EPS15L1: variants seen among roughly 807,000 people sequenced by gnomAD.
The protein encoded by EPS15L1 is epidermal growth factor receptor substrate 15-like 1.
Under a neutral mutation model 117.1 loss-of-function variants are expected in EPS15L1, and 43 were observed. The observed-to-expected ratio is 0.37, with a 90% confidence interval of 0.29 to 0.47. The LOEUF is 0.47. Ranked by LOEUF, EPS15L1 falls within the 20% of genes least tolerant of loss-of-function variation. The pLI, the probability that EPS15L1 is intolerant of heterozygous loss-of-function variation, is 0.99. For synonymous variants in EPS15L1, 459 were observed against 470.5 expected, an observed-to-expected ratio of 0.98 and a Z score of 0.32; for missense variants, 981 against 1,164.0, an observed-to-expected ratio of 0.84 and a Z score of 2.29.
intron 8 of EPS15L1, among the ~76,000 whole-genome samples, chr19:16,428,467 A>AGGAGAGAG (rs747748033): frequency 8.1e-4 from 90 of 110,726 alleles, no homozygotes; most frequent in Non-Finnish European, 1.4e-3. Flanking sequence ...AGACAGAGAG[A>AGGAGAGAG]GGAGAGAGGG....
At position 16,361,931 on chromosome 19, in the gene EPS15L1, C is replaced by T; in HGVS notation, c.2434G>A (p.Asp812Asn). 2 of 1,613,682 alleles carry T rather than the reference C, an allele frequency of 1.2e-6. No individual in the cohort carries two copies. The highest frequency in any genetic ancestry group is 1.1e-5 in the South Asian group (1 of 91,066). Reference protein sequence around the residue: ...LGSADFPEAPDPFQPLGADSG... With the variant: ...LGSADFPEAPNPFQPLGADSG... ...TCAGCCCCGAGTGGCTGGAATGGAT[C>T]GGGGGCCTCGGGAAAGTCTGCGGAA... The change falls in exon 23 of 24, where the codon GAT (aspartate) becomes AAT (asparagine). Residue 812 changes from aspartate (D) to asparagine (N), a missense_variant. Physicochemically the swap from Asp to Asn is conservative, Grantham distance 23. This residue lies in a region of EPS15L1 where 819 missense variants were observed against 949.0 expected (regional missense o/e 0.86). Coordinates refer to ENST00000455140, the MANE Select transcript of EPS15L1 (RefSeq NM_001258374.3).
intron 10 of EPS15L1, among the ~76,000 whole-genome samples, 183 bp from the exon 11 acceptor site, chr19:16,418,287 C>G (rs2092780202): frequency 6.6e-6 from 1 of 152,158 alleles, no homozygotes; most frequent in Non-Finnish European, 1.5e-5. Context: ...GGGTTCCCCG[C>G]TCCCAGTGTC....
At chr19:16,363,305 A>G (rs1247676913) in intron 22 of EPS15L1, among the ~76,000 whole-genome samples, 1 of 152,008 alleles carries the variant, frequency 6.6e-6, no homozygotes, top group African/African-American at 2.4e-5. Flanking sequence ...TTTAGAAAAA[A>G]CCAGGAACTG....
rs545297182 is a variant in EPS15L1, at chr19:16,376,114, G to A, written c.2380+1008C>T. 3.6e-4 allele frequency among the ~76,000 whole-genome samples: 55 copies of A among 152,312 alleles called. No individual in the cohort carries two copies. In the South Asian group the frequency reaches 3.9e-3, roughly 11 times the overall value. ...TGGAGCTGATGGAAAGGGCTCGGGGGCATGCCCTATCTAGGGAAGACAGGT... is the reference window on the plus strand; with the variant it reads ...TGGAGCTGATGGAAAGGGCTCGGGGACATGCCCTATCTAGGGAAGACAGGT... On this transcript the variant is annotated intron_variant, in intron 22 of 23. Transcript: ENST00000455140.
At chr19:16,442,034 G>A (rs2093037260) in intron 2 of EPS15L1, 53 bp from the exon 3 acceptor site, 3 of 1,531,800 alleles carry the variant, frequency 2.0e-6, no homozygotes, top group South Asian at 1.1e-5. Flanking sequence ...GCAGCAGCAG[G>A]TGAAGTGGCA....
chr19:16,386,144 G>T, intron 20 of EPS15L1, 27 bp downstream of exon 20: 1 of 1,574,590 alleles, frequency 6.4e-7, no homozygotes, highest in Non-Finnish European at 8.7e-7. Flanking sequence ...GGAATAGTCA[G>T]GAAGAAAAAT....
chr19:16,381,819 C>G lies in EPS15L1; in HGVS notation c.2247+3310G>C, dbSNP rs541223184. On this transcript the variant is annotated intron_variant, in intron 21 of 23. Coordinates refer to ENST00000455140, the MANE Select transcript of EPS15L1 (RefSeq NM_001258374.3). This position sits in a 1 kb window ranked among gnomAD's most constrained non-coding sequence, Gnocchi z 4.2. ...CGATTCATGGAACATGTCCCTGGGC[C>G]TAGGGCCCGTGCGAGTCCCCCGCGG... 2.6e-5 allele frequency among the ~76,000 whole-genome samples: 4 copies of G among 152,334 alleles called. No homozygotes were observed. Among genetic ancestry groups the G allele is most frequent in the Admixed American group, 6.5e-5 (1 of 15,306 alleles).
At chr19:16,396,620 A>G (rs1280090977) in intron 16 of EPS15L1, among the ~76,000 whole-genome samples, 4 of 152,236 alleles carry the variant, frequency 2.6e-5, no homozygotes, top group African/African-American at 9.6e-5. Flanking sequence ...AGTTCATTAA[A>G]AAATCATTGA....
At chr19:16,451,809 G>A (rs1324455864) in intron 1 of EPS15L1, among the ~76,000 whole-genome samples, 5 of 150,100 alleles carry the variant, frequency 3.3e-5, no homozygotes, top group Admixed American at 6.6e-5. Context: ...GATTACAGGC[G>A]TGAGCCACCG....
Position 16,381,018 on chromosome 19 carries a change from A to G in EPS15L1, c.2248-3764T>C, listed in dbSNP as rs2092356341. On this transcript the variant is annotated intron_variant, in intron 21 of 23. Coordinates refer to ENST00000455140, the MANE Select transcript of EPS15L1 (RefSeq NM_001258374.3). The surrounding 1 kb of genome is among the most constrained non-coding windows in gnomAD (Gnocchi z 4.2). ...GGCCCCTCTAAGAGGCAGCCTACCC[A>G]TTCCAGGTCCCCCCGATAAGGGCAG... 6.6e-6 allele frequency among the ~76,000 whole-genome samples: 1 copy of G among 152,180 alleles called. No homozygotes were observed. Among genetic ancestry groups the G allele is most frequent in the Admixed American group, 6.5e-5 (1 of 15,288 alleles).
intron 7 of EPS15L1, among the ~76,000 whole-genome samples, 197 bp from the exon 8 acceptor site, chr19:16,428,958 G>A (rs1241479232): frequency 6.6e-6 from 1 of 152,086 alleles, no homozygotes; most frequent in African/African-American, 2.4e-5. Flanking sequence ...CAGATCTGTG[G>A]TCTGACAATC....
At chr19:16,361,593 T>A in intron 23 of EPS15L1, 186 bp downstream of exon 23, 1 of 1,331,994 alleles carries the variant, frequency 7.5e-7, no homozygotes, top group Non-Finnish European at 9.6e-7. Flanking sequence ...CTCTTTTTTT[T>A]TTTATTGAGA....
At position 16,371,526 on chromosome 19, in the gene EPS15L1, A is replaced by G. The variant is rs140261711; in HGVS notation, c.2380+5596T>C. Reference sequence around the variant, plus strand: ...CATCACCTATGCGGCTTTGTTTAGGAGGTGAAAAGGTCATTAGCAGTAATA... The same window carrying G: ...CATCACCTATGCGGCTTTGTTTAGGGGGTGAAAAGGTCATTAGCAGTAATA... On this transcript the variant is annotated intron_variant, in intron 22 of 23. Transcript: ENST00000455140. This position sits in a 1 kb window ranked among gnomAD's most constrained non-coding sequence, Gnocchi z 4.7. Among the ~76,000 whole-genome samples the G allele has an allele frequency of 6.9e-4, 105 of 152,240 alleles. No homozygotes were observed. The highest frequency in any genetic ancestry group is 2.4e-3 in the African/African-American group (101 of 41,548).
chr19:16,377,325 G>A (rs998873649), intron 21 of EPS15L1, 71 bp from the exon 22 acceptor site: 2 of 1,572,228 alleles, frequency 1.3e-6, no homozygotes, highest in African/African-American at 2.7e-5. Flanking sequence ...CCACTGAACA[G>A]ACGCTCATGC....
At chr19:16,396,891 C>A (rs1036831116) in intron 16 of EPS15L1, among the ~76,000 whole-genome samples, 1 of 151,986 alleles carries the variant, frequency 6.6e-6, no homozygotes, top group Non-Finnish European at 1.5e-5. Flanking sequence ...CTATGAGAAC[C>A]CTAGAGTCAT....
At chr19:16,401,328 C>T in intron 16 of EPS15L1, 1 of 984,880 alleles carries the variant, frequency 1.0e-6, no homozygotes, top group African/African-American at 1.8e-5. Context: ...AAAAGAAACA[C>T]ATCAAGCATT....
intron 9 of EPS15L1, among the ~76,000 whole-genome samples, chr19:16,422,313 G>A (rs73511130): frequency 1.2e-3 from 183 of 152,268 alleles, no homozygotes; most frequent in African/African-American, 4.1e-3. Context: ...GGCCCCTTCC[G>A]TGGCCTACTC....
At chr19:16,360,627 G>A (rs1599516563) in intron 23 of EPS15L1, among the ~76,000 whole-genome samples, 1 of 151,774 alleles carries the variant, frequency 6.6e-6, no homozygotes, top group African/African-American at 2.4e-5. Context: ...CACGCCTGTC[G>A]TCCCAGCTAC....
intron 1 of EPS15L1, among the ~76,000 whole-genome samples, chr19:16,450,477 C>CTT (rs768287701): frequency 0.11 from 11,648 of 108,056 alleles, 1,415 homozygotes; most frequent in East Asian, 0.26. Context: ...TGTCCATCTT[C>CTT]TTTTTTTTTT....
Sources: gnomAD v4.1 joint callset for allele counts (sites outside exome capture counted in the v4.1 genomes callset) on GRCh38, gnomAD v4.1.1 for gene constraint, gnomAD v4.1.1 regional missense constraint, Gnocchi (gnomAD v3.1) non-coding constraint, MANE v1.5 for transcripts, NCBI Gene and HGNC (gene_info 2026-07-23, HGNC 2026-07-21) for gene names.